Variants in CCDC81 observed in about 807,000 individuals in gnomAD.
CCDC81 encodes the protein coiled-coil domain containing 81.
CCDC81 carries 79 observed loss-of-function variants against 83.7 expected under a neutral mutation model. That is an observed-to-expected ratio of 0.94 (90% CI 0.79 to 1.14). The LOEUF (loss-of-function observed/expected upper bound fraction) is 1.14. CCDC81 is among the 50% of genes most tolerant of loss of function. The probability of loss-of-function intolerance (pLI) is 0.00; values close to 1 mark genes in which losing one functional copy is unlikely to be tolerated. For missense variants in CCDC81, 791 were observed against 778.1 expected, an observed-to-expected ratio of 1.02 and a Z score of -0.20; for synonymous variants, 252 against 278.1, an observed-to-expected ratio of 0.91 and a Z score of 0.93.
intron 13 of CCDC81, among the ~76,000 whole-genome samples, chr11:86,417,377 T>TA (rs1166835361): frequency 2.6e-5 from 4 of 152,002 alleles, no homozygotes; most frequent in African/African-American, 7.2e-5. Context: ...TAATTATTTA[T>TA]AAAAAAATTT....
At chr11:86,385,704 C>T (rs533871122) in intron 1 of CCDC81, among the ~76,000 whole-genome samples, 4 of 152,104 alleles carry the variant, frequency 2.6e-5, no homozygotes, top group Non-Finnish European at 4.4e-5. Flanking sequence ...ACCCGATAAA[C>T]GGTTGCTGGG....
chr11:86,393,122 G>A (rs1376852195), intron 4 of CCDC81, among the ~76,000 whole-genome samples: 1 of 152,166 alleles, frequency 6.6e-6, no homozygotes, highest in East Asian at 1.9e-4. Context: ...GAGTGCAGTG[G>A]CACGATGTTG....
intron 3 of CCDC81, among the ~76,000 whole-genome samples, chr11:86,388,016 G>C (rs1347767992): frequency 1.3e-5 from 2 of 152,148 alleles, no homozygotes. Context: ...TAGGATCTCT[G>C]GTTGGGAGAA....
chr11:86,415,055 T>C lies in CCDC81; in HGVS notation c.1471-38T>C, dbSNP rs764076495. The C allele has an allele frequency of 1.2e-5, 19 of 1,600,810 alleles. No homozygotes were observed. The African/African-American group carries it at 2.4e-4, about 20-fold the overall frequency. ...GTTGTGCATAAAGCTTATTCCCTGG[T>C]AGAATGATAACCTGCATTATGTGTA... On this transcript the variant is annotated intron_variant, in intron 12 of 14. Transcript: ENST00000445632.
intron 13 of CCDC81, among the ~76,000 whole-genome samples, chr11:86,416,701 A>G (rs1329156165): frequency 1.3e-5 from 2 of 151,972 alleles, no homozygotes; most frequent in Admixed American, 6.6e-5. Context: ...CTTGTTTTCT[A>G]TTTACATATT....
chr11:86,398,622 C>A (rs989836534), intron 6 of CCDC81, among the ~76,000 whole-genome samples: 1 of 151,972 alleles, frequency 6.6e-6, no homozygotes, highest in Non-Finnish European at 1.5e-5. Flanking sequence ...ACAATCTGGG[C>A]TCACTGCAAC....
intron 13 of CCDC81, among the ~76,000 whole-genome samples, chr11:86,417,689 C>G (rs1166800518): frequency 6.6e-6 from 1 of 151,758 alleles, no homozygotes; most frequent in African/African-American, 2.4e-5. Flanking sequence ...TTGTTTCTAT[C>G]AGATAAATTC....
chr11:86,387,290 C>T (rs1053065827), intron 2 of CCDC81, among the ~76,000 whole-genome samples: 3 of 152,120 alleles, frequency 2.0e-5, no homozygotes, highest in Non-Finnish European at 2.9e-5. Context: ...CAGAGATGAG[C>T]GATCTGATGT....
chr11:86,395,182 T>C (rs1350380113), intron 4 of CCDC81, 152 bp from the exon 5 acceptor site: 6 of 560,100 alleles, frequency 1.1e-5, no homozygotes, highest in South Asian at 7.7e-5. Flanking sequence ...TCATTCCTCA[T>C]TGGATTTTTA....
Position 86,387,562 on chromosome 11 carries a change from AG to A in CCDC81, c.189del (p.Lys63AsnfsTer11). On this transcript the variant is annotated frameshift_variant, in exon 3 of 15. Coordinates refer to ENST00000445632, the MANE Select transcript of CCDC81 (RefSeq NM_001156474.2). LOFTEE classifies it high-confidence loss of function. ...GGAACTTTCACTTTCATAAGACAAA[AG>A]CTTGAGGTGGGAAACAACAAATTTA... ...AFGTFTFIRQ[K>X]LEVGNNKFIL... 5 of 1,614,036 alleles carry A rather than the reference AG, an allele frequency of 3.1e-6. No individual in the cohort carries two copies. Among genetic ancestry groups the A allele is most frequent in the Non-Finnish European group, 4.2e-6 (5 of 1,179,924 alleles).
At chr11:86,400,002 G>A (rs934187642) in intron 6 of CCDC81, among the ~76,000 whole-genome samples, 2 of 151,638 alleles carry the variant, frequency 1.3e-5, no homozygotes, top group African/African-American at 4.8e-5. Flanking sequence ...GTAGTGGTGT[G>A]CACCTGTTAT....
Position 86,408,243 on chromosome 11 carries a change from G to A in CCDC81, c.1086G>A (p.Lys362=), listed in dbSNP as rs1292283225. The change falls in exon 9 of 15, where the codon AAG becomes AAA. Residue 362 remains lysine, a synonymous_variant. Transcript: ENST00000445632. ...ERLIQQYQML[K]DQEALFRHQM... ...TCATACAGCAGTATCAGATGTTAAA[G>A]GATCAGGAGGCTCTCTTCAGACACC... 3.7e-6 allele frequency: 6 copies of A among 1,613,432 alleles called. No homozygotes were observed. The highest frequency in any genetic ancestry group is 5.1e-6 in the Non-Finnish European group (6 of 1,179,748).
At chr11:86,413,089 A>C (rs1948669205) in intron 11 of CCDC81, among the ~76,000 whole-genome samples, 1 of 152,130 alleles carries the variant, frequency 6.6e-6, no homozygotes, top group Non-Finnish European at 1.5e-5. Context: ...CAGATGGATG[A>C]GCCAGAAAGG....
intron 13 of CCDC81, chr11:86,419,432 A>G (rs1159930540): frequency 6.6e-6 from 1 of 152,156 alleles, no homozygotes. Context: ...CACAATGTTA[A>G]TGTTTTCTCT....
At chr11:86,420,414 G>C (rs1948774195) in intron 14 of CCDC81, among the ~76,000 whole-genome samples, 1 of 152,148 alleles carries the variant, frequency 6.6e-6, no homozygotes, top group Non-Finnish European at 1.5e-5. Flanking sequence ...CGTTATTTAA[G>C]AGCAGGGTCA....
chr11:86,416,965 C>T (rs528281783), intron 13 of CCDC81, among the ~76,000 whole-genome samples: 1 of 152,084 alleles, frequency 6.6e-6, no homozygotes, highest in South Asian at 2.1e-4. Context: ...GAAGGTTAGC[C>T]GGGCACGGTG....
intron 7 of CCDC81, 129 bp downstream of exon 7, chr11:86,400,930 A>G (rs1281897225): frequency 1.1e-6 from 1 of 938,368 alleles, no homozygotes; most frequent in Non-Finnish European, 1.5e-6. Flanking sequence ...TCTATATGCA[A>G]CATGATGGGA....
chr11:86,412,236 T>A (rs1017392998), intron 10 of CCDC81, 151 bp from the exon 11 acceptor site: 2 of 599,058 alleles, frequency 3.3e-6, no homozygotes, highest in Non-Finnish European at 5.7e-6. Context: ...TATGATTCTA[T>A]GTGTTACCTC....
intron 1 of CCDC81, 117 bp downstream of exon 1, chr11:86,375,359 A>T: frequency 2.5e-6 from 2 of 796,838 alleles, no homozygotes; most frequent in Non-Finnish European, 4.0e-6. Context: ...GCCGTGGCTA[A>T]GTTGCCTTGA....
Sources: gnomAD v4.1 joint callset for allele counts (sites outside exome capture counted in the v4.1 genomes callset) on GRCh38, gnomAD v4.1.1 for gene constraint, MANE v1.5 for transcripts, NCBI Gene and HGNC (gene_info 2026-07-23, HGNC 2026-07-21) for gene names.